MAGI1: variants seen among roughly 807,000 people sequenced by gnomAD.
MAGI1 encodes membrane-associated guanylate kinase, WW and PDZ domain-containing protein 1.
In MAGI1, 58 loss-of-function variants were observed where a neutral mutation model predicts 139.9. The observed-to-expected ratio is 0.41, with a 90% CI of 0.34 to 0.52. MAGI1 has a LOEUF of 0.52. Ranked by LOEUF, MAGI1 falls within the 20% of genes least tolerant of loss-of-function variation. MAGI1 has a pLI of 0.12. For missense variants in MAGI1, 1,874 were observed against 1,901.6 expected, an observed-to-expected ratio of 0.99 and a Z score of 0.27; for synonymous variants, 812 against 737.9, an observed-to-expected ratio of 1.10 and a Z score of -1.63.
intron 2 of MAGI1, among the ~76,000 whole-genome samples, chr3:65,607,439 C>G (rs1376927171): frequency 6.6e-6 from 1 of 152,010 alleles, no homozygotes; most frequent in Non-Finnish European, 1.5e-5. Context: ...CCCATCATGA[C>G]CATTACACAT....
intron 2 of MAGI1, among the ~76,000 whole-genome samples, chr3:65,543,757 G>C (rs537592652): frequency 2.7e-5 from 4 of 146,054 alleles, no homozygotes; most frequent in Non-Finnish European, 5.9e-5. Context: ...GTCAGGGATG[G>C]GGGGGGGTAC....
intron 1 of MAGI1, among the ~76,000 whole-genome samples, chr3:65,877,519 G>T (rs2108511373): frequency 6.6e-6 from 1 of 152,280 alleles, no homozygotes; most frequent in Admixed American, 6.5e-5. Context: ...TCCAGAAGAA[G>T]ACAGCATGCC....
chr3:65,787,933 A>C (rs2039509384), intron 1 of MAGI1, among the ~76,000 whole-genome samples: 1 of 152,194 alleles, frequency 6.6e-6, no homozygotes, highest in South Asian at 2.1e-4. Flanking sequence ...CGGGGTTAAG[A>C]AAGTAAGCAT....
At chr3:65,643,676 AC>A (rs1224831503) in intron 1 of MAGI1, among the ~76,000 whole-genome samples, 10 of 150,056 alleles carry the variant, frequency 6.7e-5, no homozygotes, top group African/African-American at 2.4e-4. Flanking sequence ...AACAACAACA[AC>A]AACAAAGCCT....
At chr3:65,424,610 C>A (rs912420991) in intron 12 of MAGI1, among the ~76,000 whole-genome samples, 1 of 152,128 alleles carries the variant, frequency 6.6e-6, no homozygotes, top group Non-Finnish European at 1.5e-5. Context: ...TCTCCAATAG[C>A]AAGTCCCCTT....
intron 1 of MAGI1, among the ~76,000 whole-genome samples, chr3:65,940,305 C>T (rs919767309): frequency 1.3e-5 from 2 of 152,308 alleles, no homozygotes; most frequent in South Asian, 2.1e-4. Context: ...GTTGCTATAA[C>T]GAAATATCAT....
chr3:65,927,088 G>GC (rs1317452635), intron 1 of MAGI1, among the ~76,000 whole-genome samples: 1 of 152,218 alleles, frequency 6.6e-6, no homozygotes, highest in African/African-American at 2.4e-5. Flanking sequence ...CCCTTGTGTA[G>GC]CATATAATCA....
chr3:65,893,462 T>G (rs1488050117), intron 1 of MAGI1, among the ~76,000 whole-genome samples: 1 of 152,150 alleles, frequency 6.6e-6, no homozygotes, highest in East Asian at 1.9e-4. Context: ...TCATGCATTC[T>G]CAAAAATCCA....
rs957858914 is a variant in MAGI1, at chr3:66,038,567, G to C, written c.-259C>G. The C allele has an allele frequency of 2.2e-6, 1 of 450,428 alleles. No homozygotes were observed. Among genetic ancestry groups the C allele is most frequent in the African/African-American group, 2.0e-5 (1 of 49,442 alleles). 27.9% of individuals were successfully genotyped at this position (450,428 alleles called of 1,614,324 possible). On this transcript the variant is annotated 5_prime_UTR_variant, in exon 1 of 23. Coordinates refer to ENST00000402939, the MANE Select transcript of MAGI1 (RefSeq NM_001033057.2). ...TGCATTCCGGTGCCTCTGGGTCCACGTTCCGGCGCCCGCCCGTGCTCTCCC... is the reference window on the plus strand; with the variant it reads ...TGCATTCCGGTGCCTCTGGGTCCACCTTCCGGCGCCCGCCCGTGCTCTCCC...
chr3:65,374,313 C>CTTTTTTTTTTTTT (rs3072933), intron 18 of MAGI1, among the ~76,000 whole-genome samples: 4 of 95,054 alleles, frequency 4.2e-5, no homozygotes, highest in Admixed American at 1.5e-4. Context: ...ATCAACTTAA[C>CTTTTTTTTTTTTT]TTTTTTTTTT....
chr3:65,618,416 A>G (rs2083484073), intron 2 of MAGI1, among the ~76,000 whole-genome samples: 1 of 152,214 alleles, frequency 6.6e-6, no homozygotes, highest in African/African-American at 2.4e-5. Context: ...AATAATCATT[A>G]TTAAAATTAT....
chr3:65,966,321 G>A (rs1170980496), intron 1 of MAGI1, among the ~76,000 whole-genome samples: 1 of 152,142 alleles, frequency 6.6e-6, no homozygotes, highest in Non-Finnish European at 1.5e-5. Context: ...ACAAAAAACA[G>A]CAAGGTGTTC....
chr3:65,968,602 T>C (rs1202054967), intron 1 of MAGI1, among the ~76,000 whole-genome samples: 1 of 150,954 alleles, frequency 6.6e-6, no homozygotes, highest in Non-Finnish European at 1.5e-5. Context: ...ATATAATATA[T>C]ATATATTATA....
At chr3:65,679,682 C>T (rs777678228) in intron 1 of MAGI1, among the ~76,000 whole-genome samples, 3 of 152,318 alleles carry the variant, frequency 2.0e-5, no homozygotes, top group East Asian at 1.9e-4. Flanking sequence ...AGGTTCTGCA[C>T]GCTGCCTGTG....
At chr3:65,910,552 A>C (rs113020680) in intron 1 of MAGI1, among the ~76,000 whole-genome samples, 121 of 152,294 alleles carry the variant, frequency 7.9e-4, no homozygotes, top group African/African-American at 2.9e-3. Context: ...CCAAACACTG[A>C]TACGATGGAG....
At chr3:65,851,989 A>C (rs2059220254) in intron 1 of MAGI1, among the ~76,000 whole-genome samples, 1 of 152,226 alleles carries the variant, frequency 6.6e-6, no homozygotes. Flanking sequence ...AAAGGCCAAA[A>C]GTTGAATCAT....
At chr3:65,359,710 A>G in intron 22 of MAGI1, 1 of 985,458 alleles carries the variant, frequency 1.0e-6, no homozygotes. Context: ...CAGTAGCACA[A>G]CCCTGTGGCA....
chr3:65,846,031 A>G (rs902748806), intron 1 of MAGI1, among the ~76,000 whole-genome samples: 3 of 152,234 alleles, frequency 2.0e-5, no homozygotes, highest in African/African-American at 4.8e-5. Context: ...GCCTCAAACC[A>G]GTAGTAACAA....
At chr3:65,639,881 A>T (rs1427218362) in intron 1 of MAGI1, among the ~76,000 whole-genome samples, 2 of 151,984 alleles carry the variant, frequency 1.3e-5, no homozygotes, top group African/African-American at 4.8e-5. Flanking sequence ...GCATGCCTGT[A>T]ATCCCAGCTA....
Sources: allele counts gnomAD v4.1 joint callset (sites outside exome capture counted in the v4.1 genomes callset), GRCh38; gene constraint gnomAD v4.1.1; transcripts MANE v1.5; gene names NCBI Gene and HGNC (gene_info 2026-07-23, HGNC 2026-07-21).